The following RPL12 variants were observed in gnomAD, a reference collection of about 807,000 sequenced individuals.
The protein encoded by RPL12 is large ribosomal subunit protein uL11.
A neutral mutation model predicts 24.5 loss-of-function variants in RPL12; 10 were observed. That is an observed-to-expected ratio of 0.41 (90% CI 0.25 to 0.69). The LOEUF is 0.69. RPL12 is among the 30% of genes least tolerant of loss of function. The pLI, the probability that RPL12 is intolerant of heterozygous loss-of-function variation, is 0.33. For missense variants in RPL12, 137 were observed against 205.3 expected (o/e 0.67, Z 2.03); for synonymous variants, 74 against 76.1 (o/e 0.97, Z 0.14).
Position 127,450,950 on chromosome 9 carries a change from G to T in RPL12, c.38-146C>A, listed in dbSNP as rs1834291805. 7 of 701,022 alleles carry T rather than the reference G, an allele frequency of 1.0e-5. No individual in the cohort carries two copies. In the South Asian group the frequency reaches 1.1e-4, roughly 11 times the overall value. The allele number at this position is 701,022 out of a possible 1,614,324, so 43.4% of individuals were successfully genotyped here. A position where few individuals can be genotyped will look rare whatever the true frequency, so the allele number is the denominator to read the frequency against. The stretch of plus-strand genomic sequence containing the variant: ...GGCGGGCCACCCGCTCCTCCCTCGG[G>T]TGTGGGCAGCTCCGAAACTCACACC... On this transcript the variant is annotated intron_variant, in intron 1 of 6. Transcript: ENST00000361436.
In RPL12 at chr9:127,447,892, A is replaced by G. The variant is rs112361216; in HGVS notation, c.477T>C (p.Ala159=). The G allele has an allele frequency of 2.2e-5, 35 of 1,612,866 alleles. No individual in the cohort carries two copies. In the African/African-American group the frequency reaches 2.8e-4, roughly 13 times the overall value. ...HDIIDDINSG[A]VECPAS ...TGTCACTTACGGCTGGGCATTCCAC[A>G]GCACCACTGTTGATGTCATCGATGA... The change falls in exon 6 of 7, where the codon GCT becomes GCC. Residue 159 remains alanine, a synonymous_variant. Coordinates refer to ENST00000361436, the MANE Select transcript of RPL12 (RefSeq NM_000976.4).
intron 4 of RPL12, 166 bp from the exon 5 acceptor site, chr9:127,448,589 A>T (rs1834213968): frequency 1.3e-6 from 1 of 762,344 alleles, no homozygotes; most frequent in Non-Finnish European, 2.4e-6. Flanking sequence ...TCACCACTGG[A>T]TTGCACCAGC....
intron 1 of RPL12, 116 bp downstream of exon 1, chr9:127,451,165 G>T: frequency 7.2e-7 from 1 of 1,391,912 alleles, no homozygotes; most frequent in South Asian, 1.3e-5. Context: ...GCGCAACACC[G>T]GGAAGGTCTC....
At chr9:127,448,952 CG>C (rs1380459259) in intron 4 of RPL12, among the ~76,000 whole-genome samples, 1 of 152,054 alleles carries the variant, frequency 6.6e-6, no homozygotes, top group Non-Finnish European at 1.5e-5. Flanking sequence ...CTGCCTCAGC[CG>C]TCTGAGTAGC....
At chr9:127,450,518 G>A (rs1035522030) in intron 2 of RPL12, 1 of 522,832 alleles carries the variant, frequency 1.9e-6, no homozygotes, top group East Asian at 3.5e-5. Flanking sequence ...AGCAGCAGTG[G>A]AGACACATGG....
chr9:127,450,828 T>C, intron 1 of RPL12, 24 bp from the exon 2 acceptor site: 1 of 1,527,494 alleles, frequency 6.5e-7, no homozygotes, highest in Non-Finnish European at 8.9e-7. Flanking sequence ...AGAGTTAGTG[T>C]CTGTGCAGAG....
In RPL12 at chr9:127,449,574, C is replaced by G. The variant is rs767413847; in HGVS notation, c.210+36G>C. ...CCCAGAGGGTTGCTACCTGTCCCCC[C>G]ACCCTCCTCTCCCGAAACCAAGCAC... On this transcript the variant is annotated intron_variant, in intron 3 of 6. Transcript: ENST00000361436. The G allele has an allele frequency of 6.4e-6, 10 of 1,564,956 alleles. No individual in the cohort carries two copies. In the East Asian group the frequency reaches 1.6e-4, roughly 25 times the overall value.
chr9:127,448,295 C>G, intron 5 of RPL12, 42 bp downstream of exon 5: 3 of 1,479,094 alleles, frequency 2.0e-6, no homozygotes, highest in Non-Finnish European at 2.8e-6. Context: ...CAGTGAAAAA[C>G]ACAACTACAG....
chr9:127,447,912 CGAT>C lies in RPL12; in HGVS notation c.454_456del (p.Ile152del). 4 of 1,613,698 alleles carry C rather than the reference CGAT, an allele frequency of 2.5e-6. No homozygotes were observed. The highest frequency in any genetic ancestry group is 1.1e-5 in the South Asian group (1 of 90,958). ...TCCACAGCACCACTGTTGATGTCAT[CGAT>C]GATGTCATGAGGATGGCGGCCATCA... On this transcript the variant is annotated inframe_deletion, in exon 6 of 7. Transcript: ENST00000361436.
intron 1 of RPL12, 115 bp from the exon 2 acceptor site, chr9:127,450,919 G>A (rs777905964): frequency 2.1e-5 from 18 of 845,778 alleles, no homozygotes; most frequent in African/African-American, 3.5e-5. Flanking sequence ...ACAGCACAGA[G>A]CGCGAGGCGG....
At chr9:127,448,263 A>C in intron 5 of RPL12, 74 bp downstream of exon 5, 1 of 1,257,684 alleles carries the variant, frequency 8.0e-7, no homozygotes. Context: ...AGCACCCTTC[A>C]AGTAAGAAGA....
chr9:127,450,477 C>T (rs551863360), intron 2 of RPL12: 2 of 453,140 alleles, frequency 4.4e-6, no homozygotes, highest in African/African-American at 2.1e-5. Flanking sequence ...CTTCAAAACT[C>T]CCCCTTGGGC....
rs762964267 is a variant in RPL12, at chr9:127,450,810, G to A, written c.38-6C>T. 7.7e-6 allele frequency: 12 copies of A among 1,560,302 alleles called. No individual in the cohort carries two copies. In the East Asian group the frequency reaches 2.6e-4, roughly 34 times the overall value. ...TCCGGTGCACCTCAGGTATACTGGGGGAAAAGAAGAGTTAGTGTCTGTGCA... is the reference window on the plus strand; with the variant it reads ...TCCGGTGCACCTCAGGTATACTGGGAGAAAAGAAGAGTTAGTGTCTGTGCA... On this transcript the variant is annotated splice_polypyrimidine_tract_variant and splice_region_variant and intron_variant, in intron 1 of 6. Coordinates refer to ENST00000361436, the MANE Select transcript of RPL12 (RefSeq NM_000976.4).
intron 2 of RPL12, 181 bp from the exon 3 acceptor site, chr9:127,449,889 G>A (rs1468564405): frequency 3.3e-6 from 2 of 603,636 alleles, no homozygotes; most frequent in Non-Finnish European, 3.0e-6. Context: ...GTCCAGAACT[G>A]TAAACTGCAG....
chr9:127,449,443 A>G (rs1834229395), intron 3 of RPL12, 81 bp from the exon 4 acceptor site: 5 of 1,405,056 alleles, frequency 3.6e-6, no homozygotes, highest in Admixed American at 3.6e-5. Context: ...TCATGGCCAC[A>G]CACTGTCCAA....
chr9:127,449,493 A>G, intron 3 of RPL12, 117 bp downstream of exon 3: 2 of 1,289,930 alleles, frequency 1.6e-6, no homozygotes, highest in Non-Finnish European at 2.2e-6. Flanking sequence ...AAGCCTCCCC[A>G]ACAAGGTGAA....
intron 4 of RPL12, chr9:127,448,713 A>C: frequency 1.7e-6 from 1 of 602,960 alleles, no homozygotes; most frequent in Non-Finnish European, 3.1e-6. Context: ...ATTGCCAGGG[A>C]GTTAAACTGC....
intron 2 of RPL12, 44 bp from the exon 3 acceptor site, chr9:127,449,752 C>G: frequency 6.6e-7 from 1 of 1,512,222 alleles, no homozygotes; most frequent in Non-Finnish European, 9.1e-7. Flanking sequence ...CAGAGGTGAA[C>G]CACAGCCTTG....
chr9:127,448,566 GT>G (rs1834213458), intron 4 of RPL12, 143 bp from the exon 5 acceptor site: 1 of 772,864 alleles, frequency 1.3e-6, no homozygotes, highest in Non-Finnish European at 2.4e-6. Context: ...CTAAGCTGGG[GT>G]TTACTATCAG....
Sources: allele counts gnomAD v4.1 joint callset (sites outside exome capture counted in the v4.1 genomes callset), GRCh38; gene constraint gnomAD v4.1.1; transcripts MANE v1.5; gene names NCBI Gene and HGNC (gene_info 2026-07-23, HGNC 2026-07-21).